Variants in SCFD2 observed in about 807,000 individuals in gnomAD.
SCFD2 encodes the protein sec1 family domain-containing protein 2.
A neutral mutation model predicts 58.9 loss-of-function variants in SCFD2; 54 were observed. The ratio of observed to expected loss-of-function variants is 0.92; its 90% CI spans 0.74 to 1.15. The LOEUF (loss-of-function observed/expected upper bound fraction) is 1.15, where lower values mean the gene tolerates loss of function less well. Among genes scored for constraint, SCFD2 ranks in the 50% most tolerant of loss-of-function variants. The pLI is 0.00. For missense variants in SCFD2, 805 were observed against 836.6 expected (o/e 0.96, Z 0.47); for synonymous variants, 321 against 335.9 (o/e 0.96, Z 0.49).
chr4:53,229,563 G>A (rs1406072991), intron 4 of SCFD2, among the ~76,000 whole-genome samples: 1 of 152,162 alleles, frequency 6.6e-6, no homozygotes. Flanking sequence ...AAACTGGCTG[G>A]CCATATCTAG....
At chr4:53,059,881 A>T (rs1360291868) in intron 5 of SCFD2, among the ~76,000 whole-genome samples, 1 of 152,154 alleles carries the variant, frequency 6.6e-6, no homozygotes, top group East Asian at 1.9e-4. Flanking sequence ...TTTTGTAGTC[A>T]GGAATTTTAT....
At chr4:53,080,801 T>C (rs760453232) in intron 5 of SCFD2, among the ~76,000 whole-genome samples, 10 of 152,310 alleles carry the variant, frequency 6.6e-5, no homozygotes, top group Middle Eastern at 3.4e-3. Flanking sequence ...AATGATGTTT[T>C]AATATAAATA....
At chr4:53,055,209 A>G (rs1348347183) in intron 5 of SCFD2, among the ~76,000 whole-genome samples, 1 of 152,168 alleles carries the variant, frequency 6.6e-6, no homozygotes, top group African/African-American at 2.4e-5. Context: ...TTTATGTATC[A>G]GGAAACTGAT....
chr4:53,298,477 C>T (rs1732133822), intron 3 of SCFD2, among the ~76,000 whole-genome samples: 1 of 152,242 alleles, frequency 6.6e-6, no homozygotes, highest in South Asian at 2.1e-4. Context: ...CCCAACAAAG[C>T]TCAAGGAGGC....
At chr4:52,988,920 T>C (rs553107809) in intron 5 of SCFD2, among the ~76,000 whole-genome samples, 2 of 152,342 alleles carry the variant, frequency 1.3e-5, no homozygotes, top group African/African-American at 4.8e-5. Flanking sequence ...TATTTGCTGT[T>C]GCATGAAAAT....
intron 4 of SCFD2, among the ~76,000 whole-genome samples, chr4:53,204,210 T>C (rs921109028): frequency 1.3e-5 from 2 of 152,070 alleles, no homozygotes; most frequent in African/African-American, 4.8e-5. Context: ...TCTTAATCTT[T>C]ACAACCTGGA....
intron 4 of SCFD2, among the ~76,000 whole-genome samples, chr4:53,263,286 G>A (rs1178434709): frequency 6.6e-6 from 1 of 152,040 alleles, no homozygotes; most frequent in Non-Finnish European, 1.5e-5. Context: ...TGGATTGCTG[G>A]TAAGCTAATG....
chr4:53,313,613 C>T (rs1560442410), intron 3 of SCFD2, 23 bp downstream of exon 3: 1 of 1,613,552 alleles, frequency 6.2e-7, no homozygotes, highest in Non-Finnish European at 8.5e-7. Flanking sequence ...CAGAGGCTGC[C>T]TGTGTCCTAG....
intron 5 of SCFD2, among the ~76,000 whole-genome samples, chr4:53,023,017 A>G (rs1182560753): frequency 6.6e-6 from 1 of 151,980 alleles, no homozygotes. Context: ...GCCACATTAA[A>G]CCTCTTTAGT....
intron 3 of SCFD2, among the ~76,000 whole-genome samples, chr4:53,281,585 G>C (rs1333705651): frequency 6.6e-6 from 1 of 152,140 alleles, no homozygotes; most frequent in Admixed American, 6.6e-5. Flanking sequence ...AGACTCAAGA[G>C]GCTACCCTGA....
intron 4 of SCFD2, among the ~76,000 whole-genome samples, chr4:53,166,918 G>A (rs1015145479): frequency 6.6e-6 from 1 of 152,014 alleles, no homozygotes; most frequent in African/African-American, 2.4e-5. Context: ...TAGCATTTGG[G>A]AATAAGAGGA....
intron 4 of SCFD2, among the ~76,000 whole-genome samples, chr4:53,238,219 G>A (rs1377817837): frequency 1.7e-4 from 23 of 138,368 alleles, no homozygotes; most frequent in South Asian, 4.6e-4. Flanking sequence ...GCGGCTGGCC[G>A]GGCAGAGGGG....
chr4:53,224,104 C>A (rs892214319), intron 4 of SCFD2, among the ~76,000 whole-genome samples: 1 of 152,140 alleles, frequency 6.6e-6, no homozygotes, highest in Non-Finnish European at 1.5e-5. Flanking sequence ...AAAAGTCTTA[C>A]ATTTGGCTGG....
chr4:53,301,761 G>A (rs1208179898), intron 3 of SCFD2, among the ~76,000 whole-genome samples: 11 of 152,150 alleles, frequency 7.2e-5, no homozygotes, highest in Non-Finnish European at 1.5e-4. Context: ...CCATGATCAA[G>A]TGGGCTTCAT....
chr4:52,999,803 G>A (rs1351570537), intron 5 of SCFD2, among the ~76,000 whole-genome samples: 2 of 152,146 alleles, frequency 1.3e-5, no homozygotes, highest in Non-Finnish European at 2.9e-5. Context: ...TGATCATCAC[G>A]GTTCAAGGTC....
At chr4:53,156,647 G>A (rs1302382538) in intron 4 of SCFD2, among the ~76,000 whole-genome samples, 2 of 152,136 alleles carry the variant, frequency 1.3e-5, no homozygotes, top group Admixed American at 6.5e-5. Flanking sequence ...GCCGTGAGCC[G>A]AGATTGAGCC....
At chr4:52,949,728 A>T (rs1223091142) in intron 5 of SCFD2, 2 of 152,296 alleles carry the variant, frequency 1.3e-5, no homozygotes, top group South Asian at 4.2e-4. Flanking sequence ...AGAAGGGTGA[A>T]CCACAAGGGC....
chr4:53,223,080 A>T (rs1729096308), intron 4 of SCFD2, among the ~76,000 whole-genome samples: 1 of 152,220 alleles, frequency 6.6e-6, no homozygotes, highest in Non-Finnish European at 1.5e-5. Flanking sequence ...CCATTCTGAG[A>T]TGATGGACAA....
intron 4 of SCFD2, among the ~76,000 whole-genome samples, chr4:53,159,464 A>T (rs1381736540): frequency 6.6e-6 from 1 of 152,188 alleles, no homozygotes; most frequent in African/African-American, 2.4e-5. Context: ...AATCCTTGGG[A>T]CAAGGATGAT....
Sources: gnomAD v4.1 joint callset for allele counts (sites outside exome capture counted in the v4.1 genomes callset) on GRCh38, gnomAD v4.1.1 for gene constraint, MANE v1.5 for transcripts, NCBI Gene and HGNC (gene_info 2026-07-23, HGNC 2026-07-21) for gene names.